Variants in GPC5 observed in about 807,000 individuals in gnomAD.
The protein encoded by GPC5 is glypican 5.
Under a neutral mutation model 53.9 loss-of-function variants are expected in GPC5, and 47 were observed. The observed-to-expected ratio is 0.87, with a 90% CI of 0.69 to 1.11. The LOEUF (loss-of-function observed/expected upper bound fraction) is 1.11. Ranked by LOEUF, GPC5 falls within the 50% of genes most tolerant of loss-of-function variation. The pLI, the probability that GPC5 is intolerant of heterozygous loss-of-function variation, is 0.00. For missense variants in GPC5, 748 were observed against 713.1 expected (o/e 1.05, Z -0.56); for synonymous variants, 286 against 263.3 (o/e 1.09, Z -0.84).
At chr13:92,727,810 T>G (rs540690259) in intron 7 of GPC5, among the ~76,000 whole-genome samples, 1 of 151,488 alleles carries the variant, frequency 6.6e-6, no homozygotes, top group Admixed American at 6.6e-5. Flanking sequence ...TCCTTTGGAC[T>G]ACCTTCACCA....
chr13:91,435,973 G>A (rs544041478), intron 1 of GPC5, among the ~76,000 whole-genome samples: 58 of 151,906 alleles, frequency 3.8e-4, no homozygotes, highest in Non-Finnish European at 3.7e-4. Flanking sequence ...GTTTATTTGC[G>A]TAGAGGTGTT....
intron 7 of GPC5, among the ~76,000 whole-genome samples, chr13:92,411,406 G>C (rs1876037995): frequency 6.6e-6 from 1 of 152,198 alleles, no homozygotes; most frequent in South Asian, 2.1e-4. Flanking sequence ...ACTTGTTAAA[G>C]ATTGACTCCA....
chr13:92,795,819 C>T (rs1876655505), intron 7 of GPC5, among the ~76,000 whole-genome samples: 1 of 152,136 alleles, frequency 6.6e-6, no homozygotes. Context: ...GAAATAGCAT[C>T]TCATGCCAGT....
chr13:92,552,117 A>G (rs1882338232), intron 7 of GPC5, among the ~76,000 whole-genome samples: 1 of 151,938 alleles, frequency 6.6e-6, no homozygotes, highest in Non-Finnish European at 1.5e-5. Context: ...ATTTGGTGTA[A>G]TATTTCACAA....
chr13:92,861,633 G>A (rs1365912327), intron 7 of GPC5, among the ~76,000 whole-genome samples: 4 of 152,062 alleles, frequency 2.6e-5, no homozygotes, highest in African/African-American at 7.2e-5. Flanking sequence ...AATCTATAAT[G>A]CAAAATTTTC....
At chr13:91,878,116 T>C (rs1428651589) in intron 5 of GPC5, among the ~76,000 whole-genome samples, 2 of 152,164 alleles carry the variant, frequency 1.3e-5, no homozygotes, top group South Asian at 2.1e-4. Context: ...GGTATGTCTT[T>C]ATCAGCAGCA....
chr13:92,300,736 CA>C (rs1386342988), intron 7 of GPC5, among the ~76,000 whole-genome samples: 3 of 152,160 alleles, frequency 2.0e-5, no homozygotes, highest in Non-Finnish European at 2.9e-5. Flanking sequence ...CTATCTTAAG[CA>C]ATATTGTGTA....
intron 7 of GPC5, among the ~76,000 whole-genome samples, chr13:92,347,844 CTGTT>C: frequency 2.3e-5 from 1 of 43,464 alleles, no homozygotes; most frequent in African/African-American, 1.1e-4. Flanking sequence ...TTGAAATAGG[CTGTT>C]TTATACATAT....
At chr13:92,294,051 C>T (rs2043016714) in intron 7 of GPC5, among the ~76,000 whole-genome samples, 1 of 152,114 alleles carries the variant, frequency 6.6e-6, no homozygotes, top group Non-Finnish European at 1.5e-5. Context: ...CCTACTTGAT[C>T]ATGTTGGATT....
chr13:92,098,570 A>G (rs2041439898), intron 6 of GPC5, among the ~76,000 whole-genome samples: 2 of 152,206 alleles, frequency 1.3e-5, no homozygotes, highest in East Asian at 3.8e-4. Flanking sequence ...AGTTTGTAAA[A>G]GGCAGAAAAA....
rs552302733 is a variant in GPC5 at position 92,409,204 on chromosome 13, C to T, written c.1561+264215C>T. 2.0e-4 allele frequency among the ~76,000 whole-genome samples: 31 copies of T among 151,814 alleles called. No individual in the cohort carries two copies. In the South Asian group the frequency reaches 6.4e-3, roughly 32 times the overall value. The stretch of plus-strand genomic sequence containing the variant: ...ACGATATTTGATAGGGAAGATCTTT[C>T]TAGGTAAGAACGAAACCCCAGAAGG... On this transcript the variant is annotated intron_variant, in intron 7 of 7. Coordinates refer to ENST00000377067, the MANE Select transcript of GPC5 (RefSeq NM_004466.6).
At chr13:92,694,974 ATTG>A (rs1887516903) in intron 7 of GPC5, among the ~76,000 whole-genome samples, 1 of 152,038 alleles carries the variant, frequency 6.6e-6, no homozygotes, top group South Asian at 2.1e-4. Context: ...GTGAGTTCTT[ATTG>A]TTTAAAAGTG....
intron 7 of GPC5, among the ~76,000 whole-genome samples, chr13:92,830,517 TC>T (rs1878011785): frequency 6.6e-6 from 1 of 152,144 alleles, no homozygotes; most frequent in African/African-American, 2.4e-5. Flanking sequence ...TTCCTTGCTT[TC>T]ATATGTCTTT....
Position 92,810,069 on chromosome 13 carries a change from C to G in GPC5, c.1562-56213C>G, listed in dbSNP as rs78288126. ...ATTGGTATCACATAATGAATGCCCC[C>G]TTCTACGTTAATAAAGCCCTCAAAT... On this transcript the variant is annotated intron_variant, in intron 7 of 7. Coordinates refer to ENST00000377067, the MANE Select transcript of GPC5 (RefSeq NM_004466.6). Among the ~76,000 whole-genome samples the G allele has an allele frequency of 3.1e-3, 468 of 152,154 alleles. 18 individuals are homozygous for G. In the East Asian group the frequency reaches 0.068, roughly 22 times the overall value.
intron 7 of GPC5, among the ~76,000 whole-genome samples, chr13:92,550,339 G>T (rs931087135): frequency 4.0e-5 from 6 of 151,756 alleles, no homozygotes; most frequent in Non-Finnish European, 8.8e-5. Flanking sequence ...TAGCCCCAAA[G>T]AATTATGTTT....
At chr13:92,130,282 T>G (rs1336878407) in intron 6 of GPC5, among the ~76,000 whole-genome samples, 1 of 149,524 alleles carries the variant, frequency 6.7e-6, no homozygotes, top group Admixed American at 6.7e-5. Context: ...TTCTTCGGAC[T>G]AAGAAAAAAT....
At chr13:92,345,354 AAG>A (rs2043402117) in intron 7 of GPC5, among the ~76,000 whole-genome samples, 1 of 152,144 alleles carries the variant, frequency 6.6e-6, no homozygotes, top group African/African-American at 2.4e-5. Context: ...TAATGTATGA[AAG>A]AGAAAAAATA....
chr13:92,443,606 TAAATA>T (rs1877668903), intron 7 of GPC5, among the ~76,000 whole-genome samples: 1 of 152,090 alleles, frequency 6.6e-6, no homozygotes, highest in Non-Finnish European at 1.5e-5. Context: ...GGAATAAAAA[TAAATA>T]AAACACATAT....
At chr13:92,667,857 T>C (rs1349373743) in intron 7 of GPC5, among the ~76,000 whole-genome samples, 1 of 152,176 alleles carries the variant, frequency 6.6e-6, no homozygotes, top group African/African-American at 2.4e-5. Context: ...CATAAGTTAT[T>C]CTATAATTGT....
Sources: gnomAD v4.1 joint callset for allele counts (sites outside exome capture counted in the v4.1 genomes callset) on GRCh38, gnomAD v4.1.1 for gene constraint, MANE v1.5 for transcripts, NCBI Gene and HGNC (gene_info 2026-07-23, HGNC 2026-07-21) for gene names.